The following ADGRL2 variants were observed in gnomAD, a reference collection of about 807,000 sequenced individuals.
ADGRL2 encodes the protein adhesion G protein-coupled receptor L2.
Under a neutral mutation model 157.4 loss-of-function variants are expected in ADGRL2, and 44 were observed. The ratio of observed to expected loss-of-function variants is 0.28; its 90% CI spans 0.22 to 0.36. ADGRL2 has a LOEUF of 0.36. Among genes scored for constraint, ADGRL2 ranks in the 10% least tolerant of loss-of-function variants. The pLI, the probability that ADGRL2 is intolerant of heterozygous loss-of-function variation, is 1.00. For synonymous variants in ADGRL2, 585 were observed against 624.7 expected (o/e 0.94, Z 0.95); for missense variants, 1,510 against 1,768.9 (o/e 0.85, Z 2.63).
chr1:81,858,959 C>T (rs932400580), intron 2 of ADGRL2, among the ~76,000 whole-genome samples: 1 of 152,096 alleles, frequency 6.6e-6, no homozygotes, highest in Non-Finnish European at 1.5e-5. Flanking sequence ...TTTATTTTTA[C>T]TACATATTGG....
intron 1 of ADGRL2, among the ~76,000 whole-genome samples, chr1:81,386,637 A>C (rs1223708817): frequency 1.3e-5 from 2 of 152,186 alleles, no homozygotes; most frequent in African/African-American, 2.4e-5. Flanking sequence ...CATGTACTGT[A>C]TGTACTAACT....
chr1:81,829,234 A>G (rs1435611791), intron 1 of ADGRL2, among the ~76,000 whole-genome samples: 1 of 152,194 alleles, frequency 6.6e-6, no homozygotes, highest in African/African-American at 2.4e-5. Context: ...AGCTACACCA[A>G]ACACAGAGTT....
At chr1:81,712,005 AC>A (rs990667414) in intron 1 of ADGRL2, among the ~76,000 whole-genome samples, 4 of 152,208 alleles carry the variant, frequency 2.6e-5, no homozygotes, top group Admixed American at 6.5e-5. Flanking sequence ...CCTGAAGGAC[AC>A]CCAAGTGTCC....
intron 1 of ADGRL2, among the ~76,000 whole-genome samples, chr1:81,322,883 G>C (rs189237076): frequency 6.6e-6 from 1 of 151,930 alleles, no homozygotes; most frequent in Non-Finnish European, 1.5e-5. Flanking sequence ...GTTGAGACAC[G>C]GCCTCACTCT....
At chr1:81,661,761 A>G (rs2082654872) in intron 3 of ADGRL2, among the ~76,000 whole-genome samples, 1 of 152,142 alleles carries the variant, frequency 6.6e-6, no homozygotes, top group Non-Finnish European at 1.5e-5. Context: ...TCACTTGAAA[A>G]GCACCAAGTT....
chr1:81,557,482 G>GAAAGA (rs370696204), intron 2 of ADGRL2: 41 of 120,062 alleles, frequency 3.4e-4, no homozygotes, highest in South Asian at 9.1e-4. Context: ...AAGAAAGAAA[G>GAAAGA]AAGAAAGAAA....
At chr1:81,326,835 A>G (rs1215281742) in intron 1 of ADGRL2, among the ~76,000 whole-genome samples, 1 of 152,214 alleles carries the variant, frequency 6.6e-6, no homozygotes, top group Non-Finnish European at 1.5e-5. Flanking sequence ...GTCAGAAATA[A>G]TCAGATATGT....
intron 3 of ADGRL2, among the ~76,000 whole-genome samples, chr1:81,914,230 CTATATGAAAGA>C (rs1476566897): frequency 6.6e-6 from 1 of 152,044 alleles, no homozygotes; most frequent in African/African-American, 2.4e-5. Context: ...CAAGTCAGAG[CTATATGAAAGA>C]TATTTTTATT....
At chr1:81,961,632 T>G (rs1465888231) in intron 11 of ADGRL2, among the ~76,000 whole-genome samples, 1 of 151,322 alleles carries the variant, frequency 6.6e-6, no homozygotes, top group African/African-American at 2.4e-5. Context: ...CTCAGCCTCC[T>G]GAGTAGCTGA....
chr1:81,379,268 G>T (rs561295864), intron 1 of ADGRL2, among the ~76,000 whole-genome samples: 2 of 152,150 alleles, frequency 1.3e-5, no homozygotes, highest in African/African-American at 2.4e-5. Context: ...GCATACAGAC[G>T]GGCAGGCTGT....
At chr1:81,462,234 CA>C (rs1389749096) in intron 2 of ADGRL2, among the ~76,000 whole-genome samples, 1 of 152,318 alleles carries the variant, frequency 6.6e-6, no homozygotes, top group East Asian at 1.9e-4. Context: ...ATGAACCAAT[CA>C]GCAGGACATG....
chr1:81,926,339 T>TA (rs1409007821), intron 3 of ADGRL2, among the ~76,000 whole-genome samples: 1 of 151,994 alleles, frequency 6.6e-6, no homozygotes, highest in Non-Finnish European at 1.5e-5. Flanking sequence ...AAAGGGTCTG[T>TA]AACTTTGCAG....
chr1:81,809,861 T>C (rs1414748953), intron 1 of ADGRL2, among the ~76,000 whole-genome samples: 3 of 151,976 alleles, frequency 2.0e-5, no homozygotes, highest in Non-Finnish European at 2.9e-5. Context: ...ATGACATAAA[T>C]ATCTGTTTTG....
chr1:81,980,862 C>G, intron 18 of ADGRL2: 1 of 656,648 alleles, frequency 1.5e-6, no homozygotes, highest in African/African-American at 1.8e-5. Context: ...CCTACATTAA[C>G]AAATTTATGG....
At chr1:81,874,670 C>CTGTCT (rs979665880) in intron 2 of ADGRL2, among the ~76,000 whole-genome samples, 4 of 147,220 alleles carry the variant, frequency 2.7e-5, no homozygotes, top group Admixed American at 6.9e-5. Flanking sequence ...CTGTCCTGTC[C>CTGTCT]TGTCATGTCT....
At chr1:81,754,496 T>A (rs2085606029) in intron 1 of ADGRL2, among the ~76,000 whole-genome samples, 1 of 125,288 alleles carries the variant, frequency 8.0e-6, no homozygotes, top group Non-Finnish European at 1.6e-5. Context: ...TCCTTCCTTC[T>A]TTCCTTCCTC....
chr1:81,787,394 A>G (rs1331686977), intron 2 of ADGRL2, among the ~76,000 whole-genome samples: 1 of 152,204 alleles, frequency 6.6e-6, no homozygotes, highest in Non-Finnish European at 1.5e-5. Flanking sequence ...GTGGTGGCTC[A>G]TGCCTGTAAT....
intron 2 of ADGRL2, among the ~76,000 whole-genome samples, chr1:81,539,863 A>G (rs1216527884): frequency 6.6e-6 from 1 of 152,170 alleles, no homozygotes; most frequent in Non-Finnish European, 1.5e-5. Context: ...AAATCCCAAA[A>G]GCAGACAGAC....
At chr1:81,344,605 G>A (rs1410028060) in intron 1 of ADGRL2, among the ~76,000 whole-genome samples, 1 of 143,922 alleles carries the variant, frequency 6.9e-6, no homozygotes, top group East Asian at 2.1e-4. Context: ...GGCAGAGGTT[G>A]CAGTGAGCCG....
Sources: allele counts gnomAD v4.1 joint callset (sites outside exome capture counted in the v4.1 genomes callset), GRCh38; gene constraint gnomAD v4.1.1; transcripts MANE v1.5; gene names NCBI Gene and HGNC (gene_info 2026-07-23, HGNC 2026-07-21).